The following CFLAR variants were observed in gnomAD, a reference collection of about 807,000 sequenced individuals.
CFLAR encodes CASP8 and FADD like apoptosis regulator.
A neutral mutation model predicts 51.1 loss-of-function variants in CFLAR; 14 were observed. The ratio of observed to expected loss-of-function variants is 0.27; its 90% CI spans 0.18 to 0.43. The LOEUF (loss-of-function observed/expected upper bound fraction) is 0.43, where lower values mean the gene tolerates loss of function less well. Ranked by LOEUF, CFLAR falls within the 20% of genes least tolerant of loss-of-function variation. The pLI is 1.00. For missense variants in CFLAR, 390 were observed against 566.5 expected (o/e 0.69, Z 3.16); for synonymous variants, 210 against 211.6 (o/e 0.99, Z 0.06).
At chr2:201,163,248 G>A (rs1425329795) in intron 9 of CFLAR, 2 of 1,294,742 alleles carry the variant, frequency 1.5e-6, no homozygotes, top group Non-Finnish European at 2.0e-6. Flanking sequence ...ATGTTTATTG[G>A]CAAGAATACT....
intron 5 of CFLAR, chr2:201,140,686 C>A: frequency 2.7e-6 from 1 of 364,834 alleles, no homozygotes; most frequent in Non-Finnish European, 4.9e-6. Context: ...CCAAAGACAA[C>A]CACTGTTAGT....
chr2:201,163,118 C>A, intron 9 of CFLAR: 1 of 752,474 alleles, frequency 1.3e-6, no homozygotes, highest in South Asian at 1.5e-5. Flanking sequence ...TAGCTGTGTC[C>A]CTGAATTCTC....
Position 201,165,240 on chromosome 2 carries a change from G to GCTTCTT in CFLAR, c.*1270_*1271insCTTCTT, listed in dbSNP as rs200399548. ...CATTGTTTGAAATATCATTAGAGTT[G>GCTTCTT]CTTATTATTATTATTATTATTATTA... On this transcript the variant is annotated 3_prime_UTR_variant, in exon 10 of 10. Coordinates refer to ENST00000309955, the MANE Select transcript of CFLAR (RefSeq NM_003879.7). The GCTTCTT allele has an allele frequency of 1.6e-3, 184 of 115,030 alleles. No homozygotes were observed. Among genetic ancestry groups the GCTTCTT allele is most frequent in the African/African-American group, 5.9e-3 (180 of 30,712 alleles). 7.1% of individuals were successfully genotyped at this position (115,030 alleles called of 1,614,324 possible).
chr2:201,144,026 CCT>C (rs752799183), intron 5 of CFLAR: 8 of 152,144 alleles, frequency 5.3e-5, no homozygotes, highest in South Asian at 2.1e-4. Flanking sequence ...TGATATGTTA[CCT>C]CTCTCTAATA....
At position 201,176,455 on chromosome 2, in the gene CFLAR, C is replaced by A. The variant is rs1236752242; in HGVS notation, c.*12482C>A. The stretch of plus-strand genomic sequence containing the variant: ...TCAGACCTGAATGTACCCATTGTAA[C>A]AAACCCCTTCTTTGTATACTTTGAT... On this transcript the variant is annotated 3_prime_UTR_variant, in exon 10 of 10. Coordinates refer to ENST00000309955, the MANE Select transcript of CFLAR (RefSeq NM_003879.7). 1.3e-5 allele frequency: 2 copies of A among 152,180 alleles called. No homozygotes were observed. The highest frequency in any genetic ancestry group is 4.8e-5 in the African/African-American group (2 of 41,440). 9.4% of individuals were successfully genotyped at this position (152,180 alleles called of 1,614,324 possible).
At chr2:201,126,290 G>A (rs1447487691) in intron 1 of CFLAR, among the ~76,000 whole-genome samples, 1 of 152,154 alleles carries the variant, frequency 6.6e-6, no homozygotes, top group African/African-American at 2.4e-5. Flanking sequence ...CCAGGTGCAG[G>A]GGCTTTAAGA....
chr2:201,159,279 C>T (rs1039612195), intron 8 of CFLAR, among the ~76,000 whole-genome samples: 1 of 151,804 alleles, frequency 6.6e-6, no homozygotes, highest in African/African-American at 2.4e-5. Context: ...TCAGCACCTC[C>T]TTTGTAGCTC....
At chr2:201,155,194 G>A (rs1941947429) in intron 8 of CFLAR, among the ~76,000 whole-genome samples, 1 of 152,126 alleles carries the variant, frequency 6.6e-6, no homozygotes, top group African/African-American at 2.4e-5. Flanking sequence ...TTACGGCTTG[G>A]CCTAAAGCTC....
In CFLAR at chr2:201,160,419, T is replaced by C; in HGVS notation, c.794-13T>C. On this transcript the variant is annotated splice_polypyrimidine_tract_variant and intron_variant, in intron 8 of 9. Coordinates refer to ENST00000309955, the MANE Select transcript of CFLAR (RefSeq NM_003879.7). The stretch of plus-strand genomic sequence containing the variant: ...CAGTGTTGTTTTCCGTGTTTGTTTT[T>C]TGTTTTCCCCAGAGCTTCTTCGAGA... 1.9e-6 allele frequency: 3 copies of C among 1,606,766 alleles called. No homozygotes were observed. The highest frequency in any genetic ancestry group is 2.5e-6 in the Non-Finnish European group (3 of 1,177,176).
In CFLAR at chr2:201,138,980, CTGGCG is replaced by C. The variant is rs1937631483; in HGVS notation, c.524-1376_524-1372del. ...GTCGTTGTAGGTGAGTCCCTGGTCA[CTGGCG>C]AAGAGCTGCTGCACGGTGTGGGGAA... On this transcript the variant is annotated intron_variant, in intron 4 of 9. Coordinates refer to ENST00000309955, the MANE Select transcript of CFLAR (RefSeq NM_003879.7). This position sits in a 1 kb window ranked among gnomAD's most constrained non-coding sequence, Gnocchi z 4.0. The C allele has an allele frequency of 3.6e-6, 2 of 559,870 alleles. No individual in the cohort carries two copies. The highest frequency in any genetic ancestry group is 6.9e-6 in the Non-Finnish European group (2 of 289,346). The allele number at this position is 559,870 out of a possible 1,614,324, so 34.7% of individuals were successfully genotyped here.
At chr2:201,152,959 G>A (rs887972577) in intron 8 of CFLAR, 1 of 152,310 alleles carries the variant, frequency 6.6e-6, no homozygotes, top group African/African-American at 2.4e-5. Context: ...GGTTGCGGAT[G>A]TATCTGTATA....
chr2:201,137,639 G>A, intron 4 of CFLAR: 1 of 758,484 alleles, frequency 1.3e-6, no homozygotes, highest in Non-Finnish European at 2.4e-6. Context: ...CAGACAGGCT[G>A]TGGGCCCCGA....
At chr2:201,137,097 G>A (rs2125720555) in intron 4 of CFLAR, 1 of 179,088 alleles carries the variant, frequency 5.6e-6, no homozygotes, top group Non-Finnish European at 1.2e-5. Flanking sequence ...GCCTGAGGGG[G>A]CAGCGGCCTG....
rs976839277 is a variant in CFLAR, at chr2:201,168,918, G to A, written c.*4945G>A. On this transcript the variant is annotated 3_prime_UTR_variant, in exon 10 of 10. Coordinates refer to ENST00000309955, the MANE Select transcript of CFLAR (RefSeq NM_003879.7). ...GGAATACAGCTAATAAGATGTGAAG[G>A]ATCTCTTCAAGGAGAACTACAAACC... The A allele has an allele frequency of 3.3e-5, 5 of 152,112 alleles. No homozygotes were observed. The highest frequency in any genetic ancestry group is 6.6e-5 in the Admixed American group (1 of 15,262). 9.4% of individuals were successfully genotyped at this position (152,112 alleles called of 1,614,324 possible).
rs768598069 is a variant in CFLAR at position 201,138,957 on chromosome 2, CGTT to C, written c.524-1397_524-1395del. 8.4e-6 allele frequency: 5 copies of C among 592,774 alleles called. No individual in the cohort carries two copies. The highest frequency in any genetic ancestry group is 4.1e-5 in the South Asian group (3 of 72,544). The allele number at this position is 592,774 out of a possible 1,614,324, so 36.7% of individuals were successfully genotyped here. A position where few individuals can be genotyped will look rare whatever the true frequency, so the allele number is the denominator to read the frequency against. The stretch of plus-strand genomic sequence containing the variant: ...ATGAATCCTGGGAGAATCAAGAAGT[CGTT>C]GTAGGTGAGTCCCTGGTCACTGGCG... On this transcript the variant is annotated intron_variant, in intron 4 of 9. Coordinates refer to ENST00000309955, the MANE Select transcript of CFLAR (RefSeq NM_003879.7). The surrounding 1 kb of genome is among the most constrained non-coding windows in gnomAD (Gnocchi z 4.0).
chr2:201,140,430 T>G lies in CFLAR; in HGVS notation c.597T>G (p.Asn199Lys). The G allele has an allele frequency of 6.2e-7, 1 of 1,603,178 alleles. No individual in the cohort carries two copies. Among genetic ancestry groups the G allele is most frequent in the South Asian group, 1.1e-5 (1 of 88,952 alleles). ...AAAAGAGTCTCAAGGATCCTTCAAA[T>G]AACTTCAGGGTGAGTCTGGAGAAAA... ...AIQKSLKDPS[N>K]NFRLHNGRSK... Residue 199 changes from asparagine (N) to lysine (K), a missense_variant, in exon 5 of 10, where the codon AAT (asparagine) becomes AAG (lysine). By Grantham distance (94) the Asn-to-Lys change is moderately conservative. Around this residue, in one of 2 missense-constraint regions of CFLAR, gnomAD observed 287 missense variants for 363.6 expected, o/e 0.79. Transcript: ENST00000309955.
chr2:201,133,534 G>T (rs2049603737), intron 3 of CFLAR, among the ~76,000 whole-genome samples: 1 of 152,144 alleles, frequency 6.6e-6, no homozygotes. Context: ...CTCCTCAGCT[G>T]ACTCAAGGTC....
chr2:201,145,565 A>T (rs972184858), intron 6 of CFLAR, 133 bp downstream of exon 6: 10 of 650,704 alleles, frequency 1.5e-5, no homozygotes, highest in Non-Finnish European at 2.2e-5. Flanking sequence ...AAACTGGTTA[A>T]ACTCTTACGA....
rs189178368 is a variant in CFLAR, at chr2:201,122,960, C to T, written c.-138+6479C>T. Among the ~76,000 whole-genome samples, 269 of 152,274 alleles carry T rather than the reference C, an allele frequency of 1.8e-3. 2 individuals are homozygous for T. Among genetic ancestry groups the T allele is most frequent in the African/African-American group, 6.1e-3 (253 of 41,548 alleles). ...ATTATGCACAATTTCTGATTTTGAA[C>T]AGAGCTATCTCCTGCAGGACCACTC... On this transcript the variant is annotated intron_variant, in intron 1 of 9. Transcript: ENST00000309955.
Sources: allele counts gnomAD v4.1 joint callset (sites outside exome capture counted in the v4.1 genomes callset), GRCh38; gene constraint gnomAD v4.1.1; regional missense constraint gnomAD v4.1.1; non-coding constraint Gnocchi (gnomAD v3.1); transcripts MANE v1.5; gene names NCBI Gene and HGNC (gene_info 2026-07-23, HGNC 2026-07-21).